Variants in PACRG observed in about 807,000 individuals in gnomAD.
PACRG encodes parkin coregulated.
PACRG carries 29 observed loss-of-function variants against 29.7 expected under a neutral mutation model. The ratio of observed to expected loss-of-function variants is 0.98; its 90% CI spans 0.73 to 1.33. The LOEUF (loss-of-function observed/expected upper bound fraction) is 1.33. Among genes scored for constraint, PACRG ranks in the 40% most tolerant of loss-of-function variants. PACRG has a pLI of 0.00. For missense variants in PACRG, 279 were observed against 316.2 expected (o/e 0.88, Z 0.89); for synonymous variants, 116 against 118.7 (o/e 0.98, Z 0.15).
intron 1 of PACRG, among the ~76,000 whole-genome samples, chr6:162,766,262 T>C (rs938388934): frequency 2.6e-5 from 4 of 152,166 alleles, no homozygotes; most frequent in Non-Finnish European, 4.4e-5. Flanking sequence ...TCTCTAGTTC[T>C]ATGAGCTTGA....
At chr6:162,986,978 T>C (rs1054173874) in intron 2 of PACRG, among the ~76,000 whole-genome samples, 3 of 152,172 alleles carry the variant, frequency 2.0e-5, no homozygotes, top group Non-Finnish European at 4.4e-5. Context: ...GGTATCTCTT[T>C]GAGTAGCTTA....
chr6:163,149,702 A>T (rs1189224627), intron 4 of PACRG, among the ~76,000 whole-genome samples: 1 of 151,788 alleles, frequency 6.6e-6, no homozygotes, highest in Non-Finnish European at 1.5e-5. Flanking sequence ...CCGCAGCCCC[A>T]ACCCAACACC....
intron 4 of PACRG, among the ~76,000 whole-genome samples, chr6:163,246,945 C>G (rs917644111): frequency 1.3e-5 from 2 of 152,188 alleles, no homozygotes; most frequent in African/African-American, 4.8e-5. Flanking sequence ...AAGTGAAGGT[C>G]ACACAGTACA....
At chr6:163,247,065 G>A (rs1782725037) in intron 4 of PACRG, among the ~76,000 whole-genome samples, 1 of 152,162 alleles carries the variant, frequency 6.6e-6, no homozygotes, top group Admixed American at 6.5e-5. Context: ...TAATGAAGGG[G>A]GATCATTAAG....
At chr6:163,085,577 T>A (rs1445998139) in intron 3 of PACRG, among the ~76,000 whole-genome samples, 1 of 152,150 alleles carries the variant, frequency 6.6e-6, no homozygotes, top group African/African-American at 2.4e-5. Context: ...ATCTCTTGAA[T>A]CCCCCAGGGG....
At chr6:162,883,316 C>T (rs1157737986) in intron 2 of PACRG, among the ~76,000 whole-genome samples, 1 of 152,052 alleles carries the variant, frequency 6.6e-6, no homozygotes, top group African/African-American at 2.4e-5. Context: ...TGTTGGGGCC[C>T]GCTGCCTATT....
At chr6:162,831,574 G>T (rs1788775364) in intron 2 of PACRG, among the ~76,000 whole-genome samples, 1 of 152,168 alleles carries the variant, frequency 6.6e-6, no homozygotes, top group Non-Finnish European at 1.5e-5. Context: ...GTGCCATGGT[G>T]GTTTGCGGCA....
chr6:163,185,145 C>G (rs1433209101), intron 4 of PACRG, among the ~76,000 whole-genome samples: 2 of 152,060 alleles, frequency 1.3e-5, no homozygotes, highest in Non-Finnish European at 1.5e-5. Flanking sequence ...AAGGATCTAA[C>G]CACACTCCAG....
chr6:162,767,679 C>T (rs192903681), intron 1 of PACRG, among the ~76,000 whole-genome samples: 8 of 151,388 alleles, frequency 5.3e-5, no homozygotes, highest in Non-Finnish European at 1.0e-4. Context: ...TTTATTTCTG[C>T]CTTATCAGTA....
chr6:162,801,044 G>A (rs553666810), intron 1 of PACRG, among the ~76,000 whole-genome samples: 4 of 152,288 alleles, frequency 2.6e-5, no homozygotes, highest in Non-Finnish European at 4.4e-5. Context: ...AAACAAGGCC[G>A]CTTACAATGT....
At chr6:162,829,284 A>T (rs1354913322) in intron 2 of PACRG, among the ~76,000 whole-genome samples, 1 of 152,276 alleles carries the variant, frequency 6.6e-6, no homozygotes, top group Non-Finnish European at 1.5e-5. Context: ...GGGAAGACAC[A>T]TTCAGATGGA....
At chr6:163,244,306 T>C (rs1022608193) in intron 4 of PACRG, among the ~76,000 whole-genome samples, 2 of 152,184 alleles carry the variant, frequency 1.3e-5, no homozygotes, top group African/African-American at 4.8e-5. Flanking sequence ...ATTGATGACG[T>C]GTTTCCGTGT....
intron 4 of PACRG, among the ~76,000 whole-genome samples, chr6:163,191,212 A>T (rs748101305): frequency 6.6e-6 from 1 of 152,192 alleles, no homozygotes; most frequent in Non-Finnish European, 1.5e-5. Context: ...GCAAACAATA[A>T]ATACATAAAT....
intron 4 of PACRG, among the ~76,000 whole-genome samples, chr6:163,109,026 G>C (rs570858976): frequency 6.6e-6 from 1 of 152,290 alleles, no homozygotes; most frequent in Admixed American, 6.5e-5. Context: ...AGAAGACTGT[G>C]TCAACCCTCC....
In PACRG at chr6:162,947,472, TA is replaced by T. The variant is rs1197810031; in HGVS notation, c.292-114677del. Among the ~76,000 whole-genome samples, 224 of 104,026 alleles carry T rather than the reference TA, an allele frequency of 2.2e-3. 4 individuals are homozygous for T. Among genetic ancestry groups the T allele is most frequent in the African/African-American group, 7.8e-3 (212 of 27,008 alleles). 68.2% of individuals were successfully genotyped at this position (104,026 alleles called of 152,430 possible). ...TAATCATATATATAATCATATATAA[TA>T]TATATATAATCATATATATACTCAT... is the stretch of plus-strand genomic sequence containing the variant. On this transcript the variant is annotated intron_variant, in intron 2 of 4. Coordinates refer to ENST00000366888, the MANE Select transcript of PACRG (RefSeq NM_001080379.2).
chr6:163,149,692 C>T (rs1475320110), intron 4 of PACRG, among the ~76,000 whole-genome samples: 2 of 152,238 alleles, frequency 1.3e-5, no homozygotes, highest in African/African-American at 2.4e-5. Flanking sequence ...CACTCCAGAC[C>T]CGCAGCCCCA....
At chr6:163,022,225 A>T (rs1391646236) in intron 2 of PACRG, among the ~76,000 whole-genome samples, 3 of 152,220 alleles carry the variant, frequency 2.0e-5, no homozygotes, top group Admixed American at 6.5e-5. Context: ...AATATACAGT[A>T]CCTGTTGAAT....
chr6:162,879,679 T>A (rs1034898280), intron 2 of PACRG, among the ~76,000 whole-genome samples: 2 of 152,220 alleles, frequency 1.3e-5, no homozygotes, highest in Non-Finnish European at 2.9e-5. Flanking sequence ...ATTGAACACC[T>A]GCTGTGGGCC....
At chr6:162,734,551 ATTAC>A (rs1474592441) in intron 1 of PACRG, among the ~76,000 whole-genome samples, 7 of 152,166 alleles carry the variant, frequency 4.6e-5, no homozygotes, top group African/African-American at 1.7e-4. Flanking sequence ...TTAATAATTG[ATTAC>A]TTAATGTCAT....
Sources: gnomAD v4.1 joint callset for allele counts (sites outside exome capture counted in the v4.1 genomes callset) on GRCh38, gnomAD v4.1.1 for gene constraint, MANE v1.5 for transcripts, NCBI Gene and HGNC (gene_info 2026-07-23, HGNC 2026-07-21) for gene names.